Variants in PRDM5 observed in about 807,000 individuals in gnomAD.
PRDM5 encodes PR/SET domain 5.
PRDM5 carries 56 observed loss-of-function variants against 81.2 expected under a neutral mutation model. The ratio of observed to expected loss-of-function variants is 0.69; its 90% CI spans 0.56 to 0.86. The LOEUF (loss-of-function observed/expected upper bound fraction) is 0.86. PRDM5 is among the 40% of genes least tolerant of loss of function. The pLI, the probability that PRDM5 is intolerant of heterozygous loss-of-function variation, is 0.00. For synonymous variants in PRDM5, 267 were observed against 256.4 expected (o/e 1.04, Z -0.39); for missense variants, 697 against 770.1 (o/e 0.91, Z 1.12).
Position 120,816,496 on chromosome 4 carries a change from C to T in PRDM5, c.822G>A (p.Lys274=). 1 of 1,614,188 alleles carries T rather than the reference C, an allele frequency of 6.2e-7. No individual in the cohort carries two copies. Among genetic ancestry groups the T allele is most frequent in the South Asian group, 1.1e-5 (1 of 91,086 alleles). The change falls in exon 7 of 16, where the codon AAG becomes AAA. Residue 274 remains lysine (K), a synonymous_variant. Transcript: ENST00000264808. ...GGTGTCTTTTCAGGGCATCCTTGCTCTTCAGCCTCTTTCCACAGCTGTCAG... is the reference window on the plus strand; with the variant it reads ...GGTGTCTTTTCAGGGCATCCTTGCTTTTCAGCCTCTTTCCACAGCTGTCAG... ...CKADSCGKRL[K]SKDALKRHQE...
intron 3 of PRDM5, among the ~76,000 whole-genome samples, chr4:120,832,326 C>T (rs1340938047): frequency 6.6e-6 from 1 of 152,052 alleles, no homozygotes; most frequent in African/African-American, 2.4e-5. Context: ...AAATCACTGT[C>T]ATGAGAACAG....
At chr4:120,798,500 A>G (rs1160146122) in intron 9 of PRDM5, 76 bp from the exon 10 acceptor site, 10 of 1,321,734 alleles carry the variant, frequency 7.6e-6, no homozygotes, top group African/African-American at 1.5e-5. Flanking sequence ...CCCTTACCTT[A>G]TATTACTTCT....
chr4:120,909,718 G>A (rs1187993013), intron 1 of PRDM5, among the ~76,000 whole-genome samples: 1 of 151,854 alleles, frequency 6.6e-6, no homozygotes, highest in Non-Finnish European at 1.5e-5. Context: ...CGGGGGGTGG[G>A]GGGTGCGGGG....
chr4:120,769,352 G>A (rs75458496), intron 13 of PRDM5, among the ~76,000 whole-genome samples: 7 of 152,198 alleles, frequency 4.6e-5, no homozygotes, highest in African/African-American at 1.7e-4. Flanking sequence ...GGAGGGTAAA[G>A]GAGCATGGAT....
chr4:120,906,609 C>T (rs971135863), intron 2 of PRDM5, among the ~76,000 whole-genome samples: 11 of 152,090 alleles, frequency 7.2e-5, no homozygotes, highest in Admixed American at 2.6e-4. Flanking sequence ...AGAACAGCAA[C>T]GAATATAATT....
At chr4:120,839,825 G>A (rs916843338) in intron 3 of PRDM5, among the ~76,000 whole-genome samples, 2 of 152,214 alleles carry the variant, frequency 1.3e-5, no homozygotes, top group Admixed American at 6.5e-5. Flanking sequence ...CTCTGCATCG[G>A]TTTCCAACCC....
At chr4:120,729,100 GAAGA>G (rs1205849832) in intron 14 of PRDM5, among the ~76,000 whole-genome samples, 1 of 152,190 alleles carries the variant, frequency 6.6e-6, no homozygotes, top group Admixed American at 6.5e-5. Flanking sequence ...AGCAGGAAGT[GAAGA>G]AAGAGAGAGC....
At chr4:120,741,779 C>T (rs552468512) in intron 14 of PRDM5, among the ~76,000 whole-genome samples, 2 of 151,892 alleles carry the variant, frequency 1.3e-5, no homozygotes, top group African/African-American at 4.8e-5. Context: ...GAGGGTCCTA[C>T]CCCACGGAGT....
chr4:120,807,699 C>T (rs1251310653), intron 8 of PRDM5, among the ~76,000 whole-genome samples: 1 of 152,186 alleles, frequency 6.6e-6, no homozygotes, highest in East Asian at 1.9e-4. Flanking sequence ...GGCGGTGTGT[C>T]CGGAGTTTGT....
chr4:120,826,183 C>T (rs189814665), intron 3 of PRDM5, among the ~76,000 whole-genome samples: 4 of 152,144 alleles, frequency 2.6e-5, no homozygotes, highest in Admixed American at 2.0e-4. Context: ...TTCTCTTGTC[C>T]CCAAATCTCC....
chr4:120,792,969 C>A (rs1157124701), intron 10 of PRDM5, among the ~76,000 whole-genome samples: 1 of 152,104 alleles, frequency 6.6e-6, no homozygotes, highest in East Asian at 1.9e-4. Context: ...TACAAAGTTT[C>A]AGTTACACAG....
At chr4:120,723,571 C>A (rs570318556) in intron 14 of PRDM5, among the ~76,000 whole-genome samples, 2 of 150,634 alleles carry the variant, frequency 1.3e-5, no homozygotes, top group Non-Finnish European at 3.0e-5. Flanking sequence ...ATGCAAACTT[C>A]GAAAAATCAA....
In PRDM5 at chr4:120,733,562, T is replaced by C. The variant is rs149650610; in HGVS notation, c.1623+20991A>G. Among the ~76,000 whole-genome samples, 16 of 152,340 alleles carry C rather than the reference T, an allele frequency of 1.1e-4. No homozygotes were observed. The East Asian group carries it at 3.1e-3, about 29-fold the overall frequency. On this transcript the variant is annotated intron_variant, in intron 14 of 15. Coordinates refer to ENST00000264808, the MANE Select transcript of PRDM5 (RefSeq NM_018699.4). ...CCCTGGGGCAGAGCCAGATGCTTTG[T>C]TTTCCATGTTCCAATGTTGCCATCA... is the stretch of plus-strand genomic sequence containing the variant.
At chr4:120,727,109 T>C (rs551478205) in intron 14 of PRDM5, among the ~76,000 whole-genome samples, 1 of 152,318 alleles carries the variant, frequency 6.6e-6, no homozygotes, top group Non-Finnish European at 1.5e-5. Flanking sequence ...TTTAGTCCCT[T>C]CACTCTGTTG....
At chr4:120,915,100 T>C (rs960231972) in intron 1 of PRDM5, among the ~76,000 whole-genome samples, 4 of 152,094 alleles carry the variant, frequency 2.6e-5, no homozygotes, top group Non-Finnish European at 5.9e-5. Context: ...CACTATACAA[T>C]TCATCCATGT....
At chr4:120,752,086 A>G (rs1178381650) in intron 14 of PRDM5, among the ~76,000 whole-genome samples, 2 of 152,198 alleles carry the variant, frequency 1.3e-5, no homozygotes, top group East Asian at 3.8e-4. Flanking sequence ...ACAAAATGCA[A>G]ATAATACTGG....
At chr4:120,779,981 C>T (rs1243877295) in intron 12 of PRDM5, among the ~76,000 whole-genome samples, 1 of 151,480 alleles carries the variant, frequency 6.6e-6, no homozygotes, top group Non-Finnish European at 1.5e-5. Context: ...CTACTATGTA[C>T]CCATAAAAAT....
intron 8 of PRDM5, among the ~76,000 whole-genome samples, chr4:120,802,930 A>T (rs1033214801): frequency 7.9e-5 from 12 of 152,182 alleles, no homozygotes; most frequent in Non-Finnish European, 1.6e-4. Flanking sequence ...AGAAGTTCAA[A>T]CCCATCGCAG....
chr4:120,913,689 T>C (rs955939961), intron 1 of PRDM5, among the ~76,000 whole-genome samples: 1 of 152,202 alleles, frequency 6.6e-6, no homozygotes, highest in African/African-American at 2.4e-5. Flanking sequence ...TGGATGCAAG[T>C]GAAGCCTTAG....
Sources: gnomAD v4.1 joint callset for allele counts (sites outside exome capture counted in the v4.1 genomes callset) on GRCh38, gnomAD v4.1.1 for gene constraint, MANE v1.5 for transcripts, NCBI Gene and HGNC (gene_info 2026-07-23, HGNC 2026-07-21) for gene names.